Variants in TENM2 observed in about 807,000 individuals in gnomAD.
The protein encoded by TENM2 is teneurin-2.
A neutral mutation model predicts 245.2 loss-of-function variants in TENM2; 52 were observed. That is an observed-to-expected ratio of 0.21 (90% CI 0.17 to 0.27). The LOEUF (loss-of-function observed/expected upper bound fraction) is 0.27. Among genes scored for constraint, TENM2 ranks in the 10% least tolerant of loss-of-function variants. The pLI is 1.00. For synonymous variants in TENM2, 1,363 were observed against 1,438.9 expected (o/e 0.95, Z 1.19); for missense variants, 3,046 against 3,666.8 (o/e 0.83, Z 4.37).
intron 1 of TENM2, among the ~76,000 whole-genome samples, chr5:167,342,498 A>G (rs1045026761): frequency 2.8e-5 from 4 of 144,476 alleles, no homozygotes; most frequent in East Asian, 4.1e-4. Flanking sequence ...TCTCAACTGT[A>G]AAGTTATTCT....
At chr5:167,747,177 G>A (rs1236321145) in intron 2 of TENM2, among the ~76,000 whole-genome samples, 1 of 152,120 alleles carries the variant, frequency 6.6e-6, no homozygotes, top group Non-Finnish European at 1.5e-5. Flanking sequence ...AGCCAAACAA[G>A]AATAAAGAAC....
chr5:168,239,890 T>C (rs780280462), intron 25 of TENM2, among the ~76,000 whole-genome samples: 8 of 151,868 alleles, frequency 5.3e-5, no homozygotes, highest in Non-Finnish European at 7.4e-5. Flanking sequence ...TAACCAAGAG[T>C]ACACATCAGA....
chr5:167,662,257 G>A (rs1031775223), intron 2 of TENM2, among the ~76,000 whole-genome samples: 4 of 152,128 alleles, frequency 2.6e-5, no homozygotes, highest in Admixed American at 6.5e-5. Context: ...GGGGAGTTGG[G>A]GTGGAGAGAG....
chr5:167,473,038 C>G (rs1180403669), intron 2 of TENM2, among the ~76,000 whole-genome samples: 1 of 152,110 alleles, frequency 6.6e-6, no homozygotes, highest in East Asian at 1.9e-4. Context: ...AAAAAAGAAA[C>G]TGGAAACTTT....
chr5:168,029,809 G>C (rs1442705198), intron 5 of TENM2, among the ~76,000 whole-genome samples: 1 of 152,164 alleles, frequency 6.6e-6, no homozygotes, highest in Non-Finnish European at 1.5e-5. Context: ...CCCTATAATT[G>C]CACATCCATT....
intron 2 of TENM2, among the ~76,000 whole-genome samples, chr5:167,420,642 A>G (rs1048583193): frequency 3.9e-5 from 6 of 152,070 alleles, no homozygotes; most frequent in Admixed American, 3.9e-4. Flanking sequence ...TTCAGATGTC[A>G]CCTTCTCAAT....
chr5:167,972,736 G>A (rs767752331), intron 4 of TENM2, among the ~76,000 whole-genome samples: 2 of 152,096 alleles, frequency 1.3e-5, no homozygotes, highest in Admixed American at 6.5e-5. Flanking sequence ...TTTAAAATAA[G>A]AGCCCAGAAG....
intron 5 of TENM2, among the ~76,000 whole-genome samples, chr5:168,003,322 C>T (rs1784555398): frequency 7.4e-6 from 1 of 134,604 alleles, no homozygotes; most frequent in Non-Finnish European, 1.6e-5. Flanking sequence ...CACACACACA[C>T]ACACACACAC....
chr5:168,225,301 T>G (rs1023804123), intron 23 of TENM2, among the ~76,000 whole-genome samples: 1 of 152,318 alleles, frequency 6.6e-6, no homozygotes, highest in East Asian at 1.9e-4. Flanking sequence ...GAGACAAGGT[T>G]GGACTCCAGT....
At chr5:167,887,933 G>A (rs1288372104) in intron 3 of TENM2, among the ~76,000 whole-genome samples, 1 of 152,024 alleles carries the variant, frequency 6.6e-6, no homozygotes, top group Non-Finnish European at 1.5e-5. Flanking sequence ...GCATTCTTTG[G>A]TTGTGGCAGC....
intron 3 of TENM2, among the ~76,000 whole-genome samples, chr5:167,878,516 G>T (rs1773611478): frequency 6.6e-6 from 1 of 151,876 alleles, no homozygotes; most frequent in Non-Finnish European, 1.5e-5. Flanking sequence ...AGAAATTCTG[G>T]ACTCTGGCTT....
At chr5:167,732,946 G>A (rs1020342069) in intron 2 of TENM2, among the ~76,000 whole-genome samples, 2 of 152,196 alleles carry the variant, frequency 1.3e-5, no homozygotes, top group Admixed American at 6.5e-5. Flanking sequence ...TAGTGACGTG[G>A]ATGGTGCAAG....
intron 2 of TENM2, among the ~76,000 whole-genome samples, chr5:167,606,708 T>C (rs1364044535): frequency 2.0e-5 from 3 of 152,210 alleles, no homozygotes; most frequent in Admixed American, 6.5e-5. Flanking sequence ...TTGCATTTAA[T>C]GCTTGCCAGG....
intron 1 of TENM2, among the ~76,000 whole-genome samples, chr5:167,317,300 T>A (rs1251156265): frequency 6.6e-6 from 1 of 152,166 alleles, no homozygotes; most frequent in African/African-American, 2.4e-5. Flanking sequence ...ATTCATTTTT[T>A]AAAACCTTCC....
At chr5:168,048,051 G>T (rs530172941) in intron 6 of TENM2, among the ~76,000 whole-genome samples, 1 of 152,342 alleles carries the variant, frequency 6.6e-6, no homozygotes, top group Admixed American at 6.5e-5. Context: ...CAGAGCTGCT[G>T]TGCTTTGGGG....
intron 2 of TENM2, 54 bp from the exon 5 acceptor site, chr5:167,875,932 G>A: frequency 2.4e-6 from 3 of 1,233,950 alleles, no homozygotes; most frequent in Non-Finnish European, 1.2e-6. Flanking sequence ...ACTTTCTTGG[G>A]GTGCTCTCGT....
Position 167,412,540 on chromosome 5 carries a change from C to T in TENM2, c.502+37067C>T, listed in dbSNP as rs114313816. Among the ~76,000 whole-genome samples the T allele has an allele frequency of 8.3e-3, 1,264 of 151,868 alleles. 11 individuals carry two copies. Among genetic ancestry groups the T allele is most frequent in the Middle Eastern group, 0.01 (3 of 294 alleles). ...TAGGTTTGTGTGCAACTTTTTTTGC[C>T]GTGATAAGATTATCTATTACTCAAT... On this transcript the variant is annotated intron_variant, in intron 2 of 28. Coordinates refer to ENST00000518659, the Ensembl canonical transcript of TENM2.
intron 2 of TENM2, among the ~76,000 whole-genome samples, chr5:167,522,400 G>A (rs186904817): frequency 6.6e-6 from 1 of 152,184 alleles, no homozygotes; most frequent in East Asian, 1.9e-4. Context: ...GGTTGGATGA[G>A]ATGTGAAATG....
At chr5:167,253,672 T>A in the TENM2 span, among the ~76,000 whole-genome samples, 1 of 152,128 alleles carries the variant, frequency 6.6e-6, no homozygotes, top group African/African-American at 2.4e-5. Flanking sequence ...ATATTTTCTC[T>A]TTTACTCTTT....
Sources: allele counts gnomAD v4.1 joint callset (sites outside exome capture counted in the v4.1 genomes callset), GRCh38; gene constraint gnomAD v4.1.1; transcripts MANE v1.5; gene names NCBI Gene and HGNC (gene_info 2026-07-23, HGNC 2026-07-21).